The following PDZD2 variants were observed in gnomAD, a reference collection of about 807,000 sequenced individuals.
PDZD2 encodes PDZ domain containing 2.
In PDZD2, 90 loss-of-function variants were observed where a neutral mutation model predicts 220.7. The ratio of observed to expected loss-of-function variants is 0.41; its 90% CI spans 0.34 to 0.49. PDZD2 has a LOEUF of 0.49. Among genes scored for constraint, PDZD2 ranks in the 20% least tolerant of loss-of-function variants. The pLI is 0.28. For synonymous variants in PDZD2, 1,375 were observed against 1,450.5 expected (o/e 0.95, Z 1.18); for missense variants, 3,174 against 3,608.5 (o/e 0.88, Z 3.08).
At position 32,088,485 on chromosome 5, in the gene PDZD2, T is replaced by G. The variant is rs374117473; in HGVS notation, c.5037T>G (p.His1679Gln). The G allele has an allele frequency of 6.2e-7, 1 of 1,614,110 alleles. No individual in the cohort carries two copies. Among genetic ancestry groups the G allele is most frequent in the Non-Finnish European group, 8.5e-7 (1 of 1,180,024 alleles). ...LEMSSQEHET[H>Q]ADISTSQNHR... ...TGAGCTCTCAGGAGCATGAAACTCA[T>G]GCGGACATAAGCACTTCACAGAACC... The change falls in exon 20 of 25, where the codon CAT (histidine) becomes CAG (glutamine). Residue 1679 changes from histidine (H) to glutamine (Q), a missense_variant. By Grantham distance (24) the His-to-Gln change is conservative. Around this residue, in one of 4 missense-constraint regions of PDZD2, gnomAD observed 1,861 missense variants for 2,001.0 expected, o/e 0.93. Coordinates refer to ENST00000438447, the MANE Select transcript of PDZD2 (RefSeq NM_178140.4). This position sits in a 1 kb window ranked among gnomAD's most constrained non-coding sequence, Gnocchi z 4.6.
chr5:31,896,070 G>A (rs900488083), intron 2 of PDZD2, among the ~76,000 whole-genome samples: 1 of 152,168 alleles, frequency 6.6e-6, no homozygotes, highest in Non-Finnish European at 1.5e-5. Flanking sequence ...CTTGGGAACA[G>A]TAGGATCCAG....
At chr5:32,071,912 G>A (rs900496665) in intron 16 of PDZD2, among the ~76,000 whole-genome samples, 2 of 152,116 alleles carry the variant, frequency 1.3e-5, no homozygotes, top group Non-Finnish European at 1.5e-5. Flanking sequence ...TGGCTTTTCC[G>A]ATCATTGCCA....
chr5:31,747,230 G>A (rs1041828356), intron 1 of PDZD2, among the ~76,000 whole-genome samples: 1 of 152,148 alleles, frequency 6.6e-6, no homozygotes, highest in African/African-American at 2.4e-5. Context: ...TGGAAATGAA[G>A]ACCCAAAGAA....
Position 31,827,708 on chromosome 5 carries a change from T to G in PDZD2, c.476+27984T>G, listed in dbSNP as rs58696942. On this transcript the variant is annotated intron_variant, in intron 2 of 24. Coordinates refer to ENST00000438447, the MANE Select transcript of PDZD2 (RefSeq NM_178140.4). ...CTCTGTCTCAAAAAAAATAAATAAA[T>G]AAAAAAATAAAAATAATTTTAAAAT... 2.1e-3 allele frequency among the ~76,000 whole-genome samples: 304 copies of G among 145,544 alleles called. 19 individuals carry two copies. Among genetic ancestry groups the G allele is most frequent in the African/African-American group, 4.0e-3 (159 of 39,342 alleles).
chr5:31,896,525 A>G (rs1581020600), intron 2 of PDZD2, among the ~76,000 whole-genome samples: 1 of 152,168 alleles, frequency 6.6e-6, no homozygotes, highest in South Asian at 2.1e-4. Flanking sequence ...AACTGCTGCT[A>G]TGTGCCAAGC....
At chr5:31,825,061 G>A (rs1413598168) in intron 2 of PDZD2, among the ~76,000 whole-genome samples, 2 of 152,052 alleles carry the variant, frequency 1.3e-5, no homozygotes, top group Admixed American at 6.6e-5. Context: ...ACACGCCCAC[G>A]CATCCCCACC....
intron 2 of PDZD2, chr5:31,848,244 A>C (rs1019966474): frequency 1.6e-5 from 3 of 182,482 alleles, no homozygotes; most frequent in African/African-American, 7.2e-5. Flanking sequence ...GAAATGACCG[A>C]CCAGAGCCTT....
In PDZD2 at chr5:32,090,658, C is replaced by A; in HGVS notation, c.7210C>A (p.Gln2404Lys). The A allele has an allele frequency of 1.2e-6, 2 of 1,614,118 alleles. No homozygotes were observed. The highest frequency in any genetic ancestry group is 1.7e-6 in the Non-Finnish European group (2 of 1,180,010). The change falls in exon 20 of 25, where the codon CAA (glutamine) becomes AAA (lysine). Residue 2404 changes from glutamine (Q) to lysine (K), a missense_variant. Transcript: ENST00000438447. The surrounding 1 kb of genome is among the most constrained non-coding windows in gnomAD (Gnocchi z 4.3). ...RRSLSSCSEN[Q>K]SEAGTLLPQM... ...CAGCTTGAGTTCCTGCAGCGAAAAC[C>A]AAAGCGAAGCCGGCACCCTCCTGCC...
Position 32,074,350 on chromosome 5 carries a change from A to C in PDZD2, c.3244A>C (p.Ser1082Arg). 5.0e-6 allele frequency: 8 copies of C among 1,614,198 alleles called. No individual in the cohort carries two copies. Among genetic ancestry groups the C allele is most frequent in the Non-Finnish European group, 6.8e-6 (8 of 1,180,034 alleles). The change falls in exon 18 of 25, where the codon AGT (serine) becomes CGT (arginine). Residue 1082 changes from serine (S) to arginine (R), a missense_variant. Transcript: ENST00000438447. ...GTGGAAGAAGGAACTGTCAGGATCA[A>C]GTAGCGCACCCAAATTGGAATACAC... ...SWWKKELSGS[S>R]SAPKLEYTVR... is the part of the protein sequence containing the mutation.
chr5:31,930,752 C>T (rs1745207669), intron 2 of PDZD2, among the ~76,000 whole-genome samples: 1 of 152,032 alleles, frequency 6.6e-6, no homozygotes, highest in South Asian at 2.1e-4. Context: ...CAGAAGGGGA[C>T]CTCAAACTTG....
chr5:31,880,962 C>T (rs1042066507), intron 2 of PDZD2, among the ~76,000 whole-genome samples: 4 of 151,368 alleles, frequency 2.6e-5, no homozygotes, highest in Admixed American at 1.3e-4. Flanking sequence ...CCACCATGCC[C>T]GGCTAATTTC....
At chr5:31,735,687 C>G (rs1749818050) in intron 1 of PDZD2, among the ~76,000 whole-genome samples, 1 of 152,184 alleles carries the variant, frequency 6.6e-6, no homozygotes, top group South Asian at 2.1e-4. Context: ...TGGCTCACCC[C>G]TGTAATCCCA....
At chr5:31,672,824 A>G (rs974539227) in intron 1 of PDZD2, among the ~76,000 whole-genome samples, 2 of 152,148 alleles carry the variant, frequency 1.3e-5, no homozygotes, top group South Asian at 4.1e-4. Flanking sequence ...ATTATGGAAC[A>G]TGAAGGGCCT....
At chr5:32,046,001 C>G (rs1349465835) in intron 7 of PDZD2, among the ~76,000 whole-genome samples, 1 of 151,876 alleles carries the variant, frequency 6.6e-6, no homozygotes, top group African/African-American at 2.4e-5. Context: ...GAAACATTAC[C>G]TAGTCTAGGT....
intron 2 of PDZD2, among the ~76,000 whole-genome samples, chr5:31,949,008 G>C (rs1361437820): frequency 6.9e-6 from 1 of 145,414 alleles, no homozygotes; most frequent in African/African-American, 2.5e-5. Context: ...TGAGGCAGGA[G>C]AATTGCTTGA....
chr5:31,702,826 A>C (rs1220789692), intron 1 of PDZD2, among the ~76,000 whole-genome samples: 2 of 152,254 alleles, frequency 1.3e-5, no homozygotes, highest in African/African-American at 4.8e-5. Flanking sequence ...TGTTGCTAAC[A>C]GTCCTTTGAA....
chr5:31,879,195 G>A (rs913139348), intron 2 of PDZD2, among the ~76,000 whole-genome samples: 3 of 151,826 alleles, frequency 2.0e-5, no homozygotes, highest in African/African-American at 7.3e-5. Context: ...AGACCATCCT[G>A]GCTAACACGG....
intron 2 of PDZD2, among the ~76,000 whole-genome samples, chr5:31,949,010 A>G (rs1198590485): frequency 6.8e-6 from 1 of 146,700 alleles, no homozygotes; most frequent in African/African-American, 2.5e-5. Context: ...AGGCAGGAGA[A>G]TTGCTTGAAC....
At chr5:31,757,637 T>C (rs1346040783) in intron 1 of PDZD2, among the ~76,000 whole-genome samples, 1 of 151,226 alleles carries the variant, frequency 6.6e-6, no homozygotes, top group South Asian at 2.1e-4. Flanking sequence ...CAGTGGCTAG[T>C]GTGGCTAATT....
Sources: gnomAD v4.1 joint callset for allele counts (sites outside exome capture counted in the v4.1 genomes callset) on GRCh38, gnomAD v4.1.1 for gene constraint, gnomAD v4.1.1 regional missense constraint, Gnocchi (gnomAD v3.1) non-coding constraint, MANE v1.5 for transcripts, NCBI Gene and HGNC (gene_info 2026-07-23, HGNC 2026-07-21) for gene names.